UBR2: variants seen among roughly 807,000 people sequenced by gnomAD.
The protein encoded by UBR2 is E3 ubiquitin-protein ligase UBR2.
UBR2 carries 92 observed loss-of-function variants against 247.9 expected under a neutral mutation model. That is an observed-to-expected ratio of 0.37 (90% confidence interval 0.31 to 0.44). The LOEUF is 0.44. UBR2 is among the 20% of genes least tolerant of loss of function. The pLI, the probability that UBR2 is intolerant of heterozygous loss-of-function variation, is 1.00. For synonymous variants in UBR2, 672 were observed against 693.5 expected (o/e 0.97, Z 0.49); for missense variants, 1,613 against 2,112.6 (o/e 0.76, Z 4.64).
intron 2 of UBR2, among the ~76,000 whole-genome samples, chr6:42,582,607 A>T (rs767864509): frequency 6.6e-6 from 1 of 152,162 alleles, no homozygotes; most frequent in Non-Finnish European, 1.5e-5. Context: ...ATCCTTACCA[A>T]TAGGTGATGT....
chr6:42,637,430 T>A (rs1354625784), intron 15 of UBR2, among the ~76,000 whole-genome samples: 1 of 152,164 alleles, frequency 6.6e-6, no homozygotes, highest in Non-Finnish European at 1.5e-5. Flanking sequence ...CAAGAAAGAA[T>A]CAGTTGGCAT....
chr6:42,651,899 C>T, intron 23 of UBR2, 124 bp from the exon 24 acceptor site: 1 of 829,006 alleles, frequency 1.2e-6, no homozygotes, highest in Non-Finnish European at 1.9e-6. Context: ...ATCACAAGGT[C>T]AGGAGTTCAA....
chr6:42,687,050 G>A (rs560944037), intron 44 of UBR2, among the ~76,000 whole-genome samples: 28 of 152,250 alleles, frequency 1.8e-4, no homozygotes, highest in East Asian at 9.7e-4. Context: ...CTGGGCGGCC[G>A]GGCAGAGACG....
chr6:42,662,385 G>T, intron 31 of UBR2, 108 bp downstream of exon 31: 1 of 680,620 alleles, frequency 1.5e-6, no homozygotes, highest in Non-Finnish European at 2.4e-6. Flanking sequence ...TAAAAATGTT[G>T]AAAAAATCCG....
At chr6:42,610,841 A>AT (rs1388704888) in intron 7 of UBR2, among the ~76,000 whole-genome samples, 1 of 150,000 alleles carries the variant, frequency 6.7e-6, no homozygotes, top group East Asian at 2.0e-4. Flanking sequence ...TTTTATATGT[A>AT]TTTTACCTTT....
rs1327398128 is a variant in UBR2 at position 42,659,629 on chromosome 6, A to T, written c.3243-27A>T. The T allele has an allele frequency of 1.9e-6, 3 of 1,600,820 alleles. No homozygotes were observed. The highest frequency in any genetic ancestry group is 4.5e-5 in the East Asian group (2 of 44,534). ...TATATAGAAAGTTTTGGGATCATTA[A>T]TTATATTCATAACCTTTGTATTGCA... On this transcript the variant is annotated intron_variant, in intron 29 of 46. Transcript: ENST00000372901. This position sits in a 1 kb window ranked among gnomAD's most constrained non-coding sequence, Gnocchi z 4.3.
Position 42,564,127 on chromosome 6 carries a change from G to T in UBR2, c.-193G>T. The T allele has an allele frequency of 1.6e-6, 1 of 609,110 alleles. No homozygotes were observed. The allele number at this position is 609,110 out of a possible 1,614,324, so 37.7% of individuals were successfully genotyped here. A position where few individuals can be genotyped will look rare whatever the true frequency, so the allele number is the denominator to read the frequency against. On this transcript the variant is annotated 5_prime_UTR_variant, in exon 1 of 47. Coordinates refer to ENST00000372901, the MANE Select transcript of UBR2 (RefSeq NM_001363705.2). ...GACTCTTGGGCGCTAAGCTTGGGAGGGAGCGCAGGAGGCCGCTGTCCTTCC... is the reference window on the plus strand; with the variant it reads ...GACTCTTGGGCGCTAAGCTTGGGAGTGAGCGCAGGAGGCCGCTGTCCTTCC...
intron 7 of UBR2, among the ~76,000 whole-genome samples, chr6:42,608,918 A>G (rs1793889482): frequency 6.6e-6 from 1 of 152,184 alleles, no homozygotes; most frequent in Non-Finnish European, 1.5e-5. Context: ...TGTATGTTTT[A>G]TGACTTGTTT....
chr6:42,640,735 T>C (rs2151957680), intron 16 of UBR2, among the ~76,000 whole-genome samples: 1 of 152,100 alleles, frequency 6.6e-6, no homozygotes, highest in Middle Eastern at 3.4e-3. Context: ...TTTTTTTTTA[T>C]TTTTATTTTT....
At chr6:42,651,020 G>A (rs1003935805) in intron 23 of UBR2, among the ~76,000 whole-genome samples, 6 of 151,968 alleles carry the variant, frequency 3.9e-5, no homozygotes, top group African/African-American at 1.5e-4. Context: ...TCAGGAGTTC[G>A]AGATCAGCCT....
chr6:42,635,547 G>A lies in UBR2; in HGVS notation c.1674+1G>A. 1 of 1,603,978 alleles carries A rather than the reference G, an allele frequency of 6.2e-7. No individual in the cohort carries two copies. The highest frequency in any genetic ancestry group is 8.5e-7 in the Non-Finnish European group (1 of 1,171,894). On this transcript the variant is annotated splice_donor_variant, in intron 14 of 46. Coordinates refer to ENST00000372901, the MANE Select transcript of UBR2 (RefSeq NM_001363705.2). LOFTEE classifies it high-confidence loss of function. Reference sequence around the variant, plus strand: ...GATGCAGGACTGGTGTGCTTCAGATGTGAGTTTCTTCTGGGTGCGGGGAAT... The same window carrying A: ...GATGCAGGACTGGTGTGCTTCAGATATGAGTTTCTTCTGGGTGCGGGGAAT...
At chr6:42,648,833 A>G (rs1391041502) in intron 22 of UBR2, among the ~76,000 whole-genome samples, 1 of 152,018 alleles carries the variant, frequency 6.6e-6, no homozygotes, top group African/African-American at 2.4e-5. Flanking sequence ...TTTTTTCTAT[A>G]CTTGGAACAC....
At chr6:42,614,375 T>TATATGTATGTACGTACATACATAC (rs70990112) in intron 8 of UBR2, among the ~76,000 whole-genome samples, 1 of 69,752 alleles carries the variant, frequency 1.4e-5, no homozygotes. Context: ...TGTGTATGTG[T>TATATGTATGTACGTACATACATAC]GTATATATGT....
chr6:42,684,452 C>T (rs1384475285), intron 43 of UBR2, among the ~76,000 whole-genome samples: 1 of 151,544 alleles, frequency 6.6e-6, no homozygotes, highest in Non-Finnish European at 1.5e-5. Flanking sequence ...GGCATGGTGG[C>T]GGGTGCCTGT....
At chr6:42,658,431 AG>A in intron 28 of UBR2, 111 bp downstream of exon 28, 1 of 1,163,294 alleles carries the variant, frequency 8.6e-7, no homozygotes, top group East Asian at 2.5e-5. Context: ...TTAAATTCCA[AG>A]AAATATGCCA....
chr6:42,632,746 GCAATT>G, intron 12 of UBR2, 31 bp downstream of exon 12: 1 of 1,590,990 alleles, frequency 6.3e-7, no homozygotes, highest in Non-Finnish European at 8.5e-7. Context: ...TAAACCAGTT[GCAATT>G]TATAGAAAGT....
Position 42,659,661 on chromosome 6 carries a change from T to C in UBR2, c.3248T>C (p.Val1083Ala). ...TCATAACCTTTGTATTGCAGCCCTG[T>C]GGCTTCAGATATGACACTTACAGCA... ...STSAVLDHSPVASDMTLTALG... is the reference protein window; with the variant it reads ...STSAVLDHSPAASDMTLTALG... The change falls in exon 30 of 47, where the codon GTG (valine) becomes GCG (alanine). Residue 1083 changes from valine to alanine, a missense_variant. Around this residue, in one of 3 missense-constraint regions of UBR2, gnomAD observed 1,524 missense variants for 1,967.3 expected, o/e 0.77. Coordinates refer to ENST00000372901, the MANE Select transcript of UBR2 (RefSeq NM_001363705.2). This position sits in a 1 kb window ranked among gnomAD's most constrained non-coding sequence, Gnocchi z 4.3. The C allele has an allele frequency of 6.2e-7, 1 of 1,613,654 alleles. No individual in the cohort carries two copies. The highest frequency in any genetic ancestry group is 2.2e-5 in the East Asian group (1 of 44,864).
chr6:42,651,981 G>A (rs773738855), intron 23 of UBR2, 42 bp from the exon 24 acceptor site: 2 of 1,547,496 alleles, frequency 1.3e-6, no homozygotes, highest in East Asian at 2.3e-5. Flanking sequence ...GTGGTGGTGG[G>A]CATTACTAAT....
Position 42,689,805 on chromosome 6 carries a change from G to C in UBR2, c.5126+135G>C. On this transcript the variant is annotated intron_variant, in intron 46 of 46. Transcript: ENST00000372901. This position sits in a 1 kb window ranked among gnomAD's most constrained non-coding sequence, Gnocchi z 4.0. ...ATCTGTGGAGTCTTCCAAGGAGGGT[G>C]CCCTGTCAGCCTGGTTTGGTGTTCT... is the stretch of plus-strand genomic sequence containing the variant. 1 of 753,026 alleles carries C rather than the reference G, an allele frequency of 1.3e-6. No homozygotes were observed. The highest frequency in any genetic ancestry group is 2.3e-6 in the Non-Finnish European group (1 of 440,222). The allele number at this position is 753,026 out of a possible 1,614,324, so 46.6% of individuals were successfully genotyped here. A position where few individuals can be genotyped will look rare whatever the true frequency, so the allele number is the denominator to read the frequency against.
Sources: allele counts gnomAD v4.1 joint callset (sites outside exome capture counted in the v4.1 genomes callset), GRCh38; gene constraint gnomAD v4.1.1; regional missense constraint gnomAD v4.1.1; non-coding constraint Gnocchi (gnomAD v3.1); transcripts MANE v1.5; gene names NCBI Gene and HGNC (gene_info 2026-07-23, HGNC 2026-07-21).